MYH9: variants seen among roughly 807,000 people sequenced by gnomAD.
MYH9 encodes myosin-9.
Under a neutral mutation model 241.9 loss-of-function variants are expected in MYH9, and 29 were observed. The observed-to-expected ratio is 0.12, with a 90% CI of 0.09 to 0.16. MYH9 has a LOEUF of 0.16. MYH9 is among the 10% of genes least tolerant of loss of function. MYH9 has a pLI of 1.00. For synonymous variants in MYH9, 1,047 were observed against 1,062.6 expected, an observed-to-expected ratio of 0.99 and a Z score of 0.29; for missense variants, 1,803 against 2,595.5, an observed-to-expected ratio of 0.69 and a Z score of 6.63.
chr22:36,382,624 G>A (rs529629003), intron 1 of MYH9, among the ~76,000 whole-genome samples: 1 of 152,178 alleles, frequency 6.6e-6, no homozygotes, highest in East Asian at 1.9e-4. Flanking sequence ...CCAACGTGGT[G>A]AAACCCCATC....
intron 1 of MYH9, among the ~76,000 whole-genome samples, chr22:36,376,231 G>C (rs1247264950): frequency 1.3e-5 from 2 of 152,028 alleles, no homozygotes; most frequent in African/African-American, 2.4e-5. Context: ...AAAATGCTGG[G>C]ATTACAGGCG....
In MYH9 at chr22:36,300,206, T is replaced by G; in HGVS notation, c.2897A>C (p.Lys966Thr). 1.2e-6 allele frequency: 2 copies of G among 1,613,400 alleles called. No individual in the cohort carries two copies. Among genetic ancestry groups the G allele is most frequent in the Non-Finnish European group, 1.7e-6 (2 of 1,179,972 alleles). The change falls in exon 23 of 41, where the codon AAG becomes ACG. Residue 966 changes from lysine (K) to threonine (T), a missense_variant. Transcript: ENST00000216181. The surrounding 1 kb of genome is among the most constrained non-coding windows in gnomAD (Gnocchi z 5.0). ...ESARQKLQLEKVTTEAKLKKL... is the reference protein window; with the variant it reads ...ESARQKLQLETVTTEAKLKKL... ...TTTCAGCTTCGCCTCGGTGGTCACC[T>G]TCTCCAGCTGCAGCTTCTGCCGGGC...
intron 2 of MYH9, among the ~76,000 whole-genome samples, chr22:36,346,151 C>CAAAA (rs56232061): frequency 2.0e-4 from 24 of 121,296 alleles, no homozygotes; most frequent in African/African-American, 6.9e-4. Flanking sequence ...GACTCCGTCT[C>CAAAA]AAAAAAAAAA....
At position 36,304,090 on chromosome 22, in the gene MYH9, G is replaced by A. The variant is rs150133983; in HGVS notation, c.2295C>T (p.Ala765=). The change falls in exon 19 of 41, where the codon GCC becomes GCT. Residue 765 remains alanine, a synonymous_variant. Transcript: ENST00000216181. ...RIGQSKVFFR[A]GVLAHLEEER... is the part of the protein sequence containing the mutation. ...CCTCCTCCAGGTGGGCCAGCACACC[G>A]GCACGGAAGAAGACTTTGCTCTGGC... is the stretch of plus-strand genomic sequence containing the variant. 245 of 1,613,852 alleles carry A rather than the reference G, an allele frequency of 1.5e-4. No individual in the cohort carries two copies. The East Asian group carries it at 4.1e-3, about 27-fold the overall frequency.
intron 1 of MYH9, among the ~76,000 whole-genome samples, chr22:36,376,227 C>T (rs1465199910): frequency 6.6e-6 from 1 of 152,048 alleles, no homozygotes; most frequent in Non-Finnish European, 1.5e-5. Flanking sequence ...TCCCAAAATG[C>T]TGGGATTACA....
intron 2 of MYH9, 50 bp downstream of exon 2, chr22:36,348,854 A>ACCCCCCCCCC: frequency 4.2e-6 from 3 of 710,372 alleles, no homozygotes; most frequent in South Asian, 2.1e-5. Context: ...CCCCCCCCCC[A>ACCCCCCCCCC]CCTCGGAGCC....
At chr22:36,378,496 G>A (rs1225892430) in intron 1 of MYH9, among the ~76,000 whole-genome samples, 2 of 152,058 alleles carry the variant, frequency 1.3e-5, no homozygotes, top group African/African-American at 2.4e-5. Flanking sequence ...AATTATCACC[G>A]GAGACATTAA....
intron 11 of MYH9, 127 bp downstream of exon 11, chr22:36,318,080 G>T: frequency 3.6e-6 from 3 of 842,686 alleles, no homozygotes; most frequent in South Asian, 2.7e-5. Context: ...TGTGAGGACT[G>T]CATCATGGAA....
At chr22:36,350,815 ACCCTAGT>A (rs527425890) in intron 1 of MYH9, among the ~76,000 whole-genome samples, 66 of 152,258 alleles carry the variant, frequency 4.3e-4, no homozygotes, top group Non-Finnish European at 7.9e-4. Flanking sequence ...TGAGGTGACT[ACCCTAGT>A]GTAAAACTGA....
intron 1 of MYH9, among the ~76,000 whole-genome samples, chr22:36,371,839 G>C (rs921535977): frequency 2.0e-5 from 3 of 151,918 alleles, no homozygotes; most frequent in Non-Finnish European, 2.9e-5. Flanking sequence ...CCAGCTGCCT[G>C]AGCAATTTAG....
At chr22:36,323,035 C>T (rs2017280456) in intron 5 of MYH9, among the ~76,000 whole-genome samples, 1 of 152,250 alleles carries the variant, frequency 6.6e-6, no homozygotes, top group Non-Finnish European at 1.5e-5. Flanking sequence ...GTACCAGCCC[C>T]TCCACTGCCG....
chr22:36,377,827 C>T (rs574265358), intron 1 of MYH9, among the ~76,000 whole-genome samples: 2 of 152,156 alleles, frequency 1.3e-5, no homozygotes, highest in East Asian at 1.9e-4. Context: ...AGAAGAATGG[C>T]GTGAACCCGA....
chr22:36,282,764 G>C lies in MYH9; in HGVS notation c.5787C>G (p.Val1929=), dbSNP rs367698156. Residue 1929 remains valine, a synonymous_variant, in exon 41 of 41, where the codon GTC becomes GTG. Transcript: ENST00000216181. ...CTTTCCGGGCCATTCGGCGGGGCAC[G>C]ACAAACGGCAGGTCCCCGCGCCTGG... The part of the protein sequence containing the change: ...NKLRRGDLPF[V]VPRRMARKGA... 1 of 1,612,322 alleles carries C rather than the reference G, an allele frequency of 6.2e-7. No homozygotes were observed. Among genetic ancestry groups the C allele is most frequent in the Admixed American group, 1.7e-5 (1 of 60,016 alleles).
chr22:36,296,486 T>C (rs986273463), intron 25 of MYH9, among the ~76,000 whole-genome samples: 2 of 151,590 alleles, frequency 1.3e-5, no homozygotes, highest in South Asian at 2.1e-4. Context: ...TCCACCCGGC[T>C]TGGCCTCCCA....
rs777646002 is a variant in MYH9 at position 36,284,100 on chromosome 22, T to C, written c.5758A>G (p.Lys1920Glu). 6.2e-7 allele frequency: 1 copy of C among 1,614,178 alleles called. No homozygotes were observed. Among genetic ancestry groups the C allele is most frequent in the Non-Finnish European group, 8.5e-7 (1 of 1,180,012 alleles). Residue 1920 changes from lysine to glutamate, a missense_variant, in exon 40 of 41, where the codon AAG becomes GAG. Coordinates refer to ENST00000216181, the MANE Select transcript of MYH9 (RefSeq NM_002473.6). The part of the protein sequence containing the change: ...MNREVSSLKN[K>E]LRRGDLPFVV... ...GTGGGCAGGGCGGCTCACCTGAGCT[T>C]GTTCTTTAGGGAGCTGACTTCGCGG...
At position 36,305,052 on chromosome 22, in the gene MYH9, T is replaced by C; in HGVS notation, c.2210A>G (p.Lys737Arg). The C allele has an allele frequency of 6.2e-7, 1 of 1,614,102 alleles. No individual in the cohort carries two copies. Among genetic ancestry groups the C allele is most frequent in the Non-Finnish European group, 8.5e-7 (1 of 1,179,960 alleles). The change falls in exon 18 of 41, where the codon AAG (lysine) becomes AGG (arginine). Residue 737 changes from lysine to arginine, a missense_variant. This residue lies in a region of MYH9 where 163 missense variants were observed against 349.7 expected (regional missense o/e 0.47). Coordinates refer to ENST00000216181, the MANE Select transcript of MYH9 (RefSeq NM_002473.6). The surrounding 1 kb of genome is among the most constrained non-coding windows in gnomAD (Gnocchi z 4.7). The stretch of plus-strand genomic sequence containing the variant: ...ACTCACCATGAGCACGCACGCCTGC[T>C]TCCCGTCCATGAAACCCTTGGGAAT... ...NSIPKGFMDG[K>R]QACVLMIKAL...
Position 36,320,285 on chromosome 22 carries a change from T to C in MYH9, c.947A>G (p.Lys316Arg). 6.2e-7 allele frequency: 1 copy of C among 1,614,222 alleles called. No homozygotes were observed. Among genetic ancestry groups the C allele is most frequent in the Non-Finnish European group, 8.5e-7 (1 of 1,180,022 alleles). Residue 316 changes from lysine to arginine, a missense_variant, in exon 9 of 41, where the codon AAG becomes AGG. This residue lies in a region of MYH9 where 222 missense variants were observed against 359.9 expected (regional missense o/e 0.62). Transcript: ENST00000216181. This position sits in a 1 kb window ranked among gnomAD's most constrained non-coding sequence, Gnocchi z 4.8. Reference protein sequence around the residue: ...GHVTIPGQQDKDMFQETMEAM... With the variant: ...GHVTIPGQQDRDMFQETMEAM... ...CTCCATGGTCTCCTGGAACATGTCC[T>C]TGTCCTGCTGCCCGGGGATGGTGAC...
At position 36,302,663 on chromosome 22, in the gene MYH9, G is replaced by T. The variant is rs548123125; in HGVS notation, c.2404C>A (p.Arg802=). 6.2e-7 allele frequency: 1 copy of T among 1,613,176 alleles called. No homozygotes were observed. The change falls in exon 20 of 41, where the codon CGG becomes AGG. Residue 802 remains arginine, a synonymous_variant. Transcript: ENST00000216181. ...TTCATGGCGGTAAGCTGCTGCTGCC[G>T]CTTGGCAAATGCTCTGTGTGGTGAG... ...GYLARKAFAK[R]QQQLTAMKVL...
At chr22:36,317,306 CTT>C (rs528701935) in intron 11 of MYH9, among the ~76,000 whole-genome samples, 1 of 145,716 alleles carries the variant, frequency 6.9e-6, no homozygotes, top group South Asian at 2.2e-4. Flanking sequence ...AAGTTTAATT[CTT>C]TTTTTTTTTT....
Sources: gnomAD v4.1 joint callset for allele counts (sites outside exome capture counted in the v4.1 genomes callset) on GRCh38, gnomAD v4.1.1 for gene constraint, gnomAD v4.1.1 regional missense constraint, Gnocchi (gnomAD v3.1) non-coding constraint, MANE v1.5 for transcripts, NCBI Gene and HGNC (gene_info 2026-07-23, HGNC 2026-07-21) for gene names.